The following KCNMA1 variants were observed in gnomAD, a reference collection of about 807,000 sequenced individuals.
KCNMA1 encodes the protein potassium calcium-activated channel subfamily M alpha 1, also known as Calcium-activated potassium channel subunit alpha-1.
A neutral mutation model predicts 140.0 loss-of-function variants in KCNMA1; 29 were observed. The observed-to-expected ratio is 0.21, with a 90% CI of 0.15 to 0.28. KCNMA1 has a LOEUF of 0.28. Among genes scored for constraint, KCNMA1 ranks in the 10% least tolerant of loss-of-function variants. KCNMA1 has a pLI of 1.00. For synonymous variants in KCNMA1, 612 were observed against 611.9 expected, an observed-to-expected ratio of 1.00 and a Z score of 0.00; for missense variants, 880 against 1,602.2, an observed-to-expected ratio of 0.55 and a Z score of 7.70.
intron 2 of KCNMA1, among the ~76,000 whole-genome samples, chr10:77,331,468 G>T (rs568347594): frequency 6.6e-6 from 1 of 152,096 alleles, no homozygotes; most frequent in Admixed American, 6.5e-5. Context: ...GCAGTGGAGG[G>T]TATTTTATAA....
intron 2 of KCNMA1, among the ~76,000 whole-genome samples, chr10:77,295,718 T>C (rs1601602490): frequency 7.2e-6 from 1 of 139,308 alleles, no homozygotes; most frequent in Non-Finnish European, 1.5e-5. Context: ...GAGGCGGAGC[T>C]TGCAGTGAGC....
At chr10:77,011,835 G>A (rs1593550744) in intron 18 of KCNMA1, 132 bp downstream of exon 18, 2 of 813,812 alleles carry the variant, frequency 2.5e-6, no homozygotes, top group Admixed American at 4.1e-5. Context: ...TCTTTAAACT[G>A]CTGGGTGAAA....
downstream of KCNMA1, chr10:76,872,982 T>C (rs536840214): frequency 6.6e-6 from 1 of 152,258 alleles, no homozygotes; most frequent in South Asian, 2.1e-4. Context: ...TAAAAAAATA[T>C]GCCAAAAGAG....
intron 1 of KCNMA1, among the ~76,000 whole-genome samples, chr10:77,581,742 C>T (rs999863854): frequency 1.3e-5 from 2 of 152,250 alleles, no homozygotes; most frequent in Non-Finnish European, 2.9e-5. Context: ...ACTTCTGTTT[C>T]CTCCACAGTG....
chr10:77,226,530 CCA>C (rs1248996048), intron 3 of KCNMA1, among the ~76,000 whole-genome samples: 2 of 151,930 alleles, frequency 1.3e-5, no homozygotes, highest in African/African-American at 4.8e-5. Flanking sequence ...CCCCCTGCAG[CCA>C]CAAACATTTG....
chr10:77,228,455 T>G lies in KCNMA1; in HGVS notation c.602+22740A>C, dbSNP rs536618713. On this transcript the variant is annotated intron_variant, in intron 3 of 27. Transcript: ENST00000286628. The stretch of plus-strand genomic sequence containing the variant: ...GAGAAGAGCACTATAAAAAGCCAGG[T>G]GTGAGGAGGTAAAGCTCCCATAAGG... Among the ~76,000 whole-genome samples, 5 of 152,168 alleles carry G rather than the reference T, an allele frequency of 3.3e-5. No homozygotes were observed. In the South Asian group the frequency reaches 1.0e-3, roughly 32 times the overall value.
At chr10:76,981,627 C>T (rs1045330289) in intron 19 of KCNMA1, among the ~76,000 whole-genome samples, 1 of 152,178 alleles carries the variant, frequency 6.6e-6, no homozygotes, top group Non-Finnish European at 1.5e-5. Context: ...CAGGCTCTCC[C>T]ACCATGTCTT....
At chr10:77,373,061 G>A (rs1054118211) in intron 2 of KCNMA1, 1 of 152,168 alleles carries the variant, frequency 6.6e-6, no homozygotes, top group Non-Finnish European at 1.5e-5. Flanking sequence ...TTTCTGTTCA[G>A]GAGAAAAGAT....
chr10:76,927,675 T>C (rs921954141), intron 23 of KCNMA1, among the ~76,000 whole-genome samples: 1 of 152,150 alleles, frequency 6.6e-6, no homozygotes, highest in African/African-American at 2.4e-5. Context: ...AGCTAATGTG[T>C]CTCAACCCAC....
At chr10:77,044,675 T>A (rs1192336029) in intron 14 of KCNMA1, among the ~76,000 whole-genome samples, 2 of 152,080 alleles carry the variant, frequency 1.3e-5, no homozygotes, top group Non-Finnish European at 2.9e-5. Context: ...AACCTTGTGT[T>A]TAATACTAAG....
At chr10:77,376,948 A>AATACATACATACATACATAC (rs66548732) in intron 2 of KCNMA1, among the ~76,000 whole-genome samples, 9,543 of 148,330 alleles carry the variant, frequency 0.064, 385 homozygotes, top group Non-Finnish European at 0.068. Flanking sequence ...AAAATAAATA[A>AATACATACATACATACATAC]ATACATACAT....
At chr10:77,198,437 A>C (rs2154150099) in intron 3 of KCNMA1, among the ~76,000 whole-genome samples, 1 of 152,178 alleles carries the variant, frequency 6.6e-6, no homozygotes, top group South Asian at 2.1e-4. Context: ...TCTTCATCTC[A>C]GCATGAATGA....
chr10:77,307,865 T>C (rs1054074824), intron 2 of KCNMA1, among the ~76,000 whole-genome samples: 1 of 152,184 alleles, frequency 6.6e-6, no homozygotes, highest in African/African-American at 2.4e-5. Context: ...CATTTTTAAC[T>C]TATGATATTT....
intron 1 of KCNMA1, among the ~76,000 whole-genome samples, chr10:77,557,496 G>C (rs7897450): frequency 0.015 from 2,230 of 152,302 alleles, 61 homozygotes; most frequent in African/African-American, 0.051. Context: ...ATCTTGGGCA[G>C]TGACAGAGAA....
Position 77,144,141 on chromosome 10 carries a change from C to T in KCNMA1, c.809-23093G>A, listed in dbSNP as rs368930192. 2.6e-4 allele frequency among the ~76,000 whole-genome samples: 39 copies of T among 152,136 alleles called. 1 individual carries two copies. Among genetic ancestry groups the T allele is most frequent in the African/African-American group, 9.2e-4 (38 of 41,490 alleles). ...CAAGGATGTTCATAACAGCTTTATTCAAAATAAGCCAAAGTTGGAAACAAC... is the reference window on the plus strand; with the variant it reads ...CAAGGATGTTCATAACAGCTTTATTTAAAATAAGCCAAAGTTGGAAACAAC... On this transcript the variant is annotated intron_variant, in intron 5 of 27. Coordinates refer to ENST00000286628, the MANE Select transcript of KCNMA1 (RefSeq NM_001161352.2).
intron 1 of KCNMA1, among the ~76,000 whole-genome samples, chr10:77,451,034 G>A (rs945312330): frequency 6.6e-6 from 1 of 152,144 alleles, no homozygotes; most frequent in African/African-American, 2.4e-5. Flanking sequence ...TGCCATGATT[G>A]TGAGGCTTCC....
chr10:77,019,122 C>G (rs759810954), intron 16 of KCNMA1, 23 bp from the exon 17 acceptor site: 5 of 1,240,078 alleles, frequency 4.0e-6, no homozygotes, highest in Non-Finnish European at 5.9e-6. Context: ...CAAAAACAAA[C>G]AGAGAAGATA....
chr10:77,448,012 T>C (rs1323049291), intron 1 of KCNMA1, among the ~76,000 whole-genome samples: 1 of 152,234 alleles, frequency 6.6e-6, no homozygotes, highest in Non-Finnish European at 1.5e-5. Flanking sequence ...CAGGCTGATG[T>C]TCCAAGGGGA....
In KCNMA1 at chr10:76,982,409, C is replaced by T. The variant is rs114026836; in HGVS notation, c.2267-12342G>A. 7.1e-3 allele frequency among the ~76,000 whole-genome samples: 1,075 copies of T among 152,030 alleles called. 15 individuals carry two copies. Among genetic ancestry groups the T allele is most frequent in the African/African-American group, 0.025 (1,039 of 41,454 alleles). On this transcript the variant is annotated intron_variant, in intron 19 of 27. Coordinates refer to ENST00000286628, the MANE Select transcript of KCNMA1 (RefSeq NM_001161352.2). ...TGAATAGAGAGGTCCCGTATATCCC[C>T]AGATGGAGCACAGGGCCTGGCACTC...
Sources: allele counts gnomAD v4.1 joint callset (sites outside exome capture counted in the v4.1 genomes callset), GRCh38; gene constraint gnomAD v4.1.1; transcripts MANE v1.5; gene names NCBI Gene and HGNC (gene_info 2026-07-23, HGNC 2026-07-21).